CLASP1: variants seen among roughly 807,000 people sequenced by gnomAD.
The protein encoded by CLASP1 is CLIP-associating protein 1.
CLASP1 carries 38 observed loss-of-function variants against 192.3 expected under a neutral mutation model. The ratio of observed to expected loss-of-function variants is 0.20; its 90% CI spans 0.15 to 0.26. The LOEUF is 0.26. Ranked by LOEUF, CLASP1 falls within the 10% of genes least tolerant of loss-of-function variation. CLASP1 has a pLI of 1.00. For missense variants in CLASP1, 1,433 were observed against 1,932.5 expected, an observed-to-expected ratio of 0.74 and a Z score of 4.85; for synonymous variants, 691 against 712.8, an observed-to-expected ratio of 0.97 and a Z score of 0.49.
At chr2:121,462,127 G>A (rs1374682099) in intron 10 of CLASP1, among the ~76,000 whole-genome samples, 1 of 151,554 alleles carries the variant, frequency 6.6e-6, no homozygotes, top group African/African-American at 2.4e-5. Context: ...TACTTAAAGT[G>A]AAGCATCAAA....
exon 34 of CLASP1, chr2:121,377,549 C>T: frequency 6.2e-7 from 1 of 1,602,382 alleles, no homozygotes; most frequent in Non-Finnish European, 8.5e-7. Context: ...TTCAGATCTT[C>T]TTGGCTTCGA....
intron 8 of CLASP1, among the ~76,000 whole-genome samples, chr2:121,485,839 G>A (rs1199850680): frequency 6.6e-6 from 1 of 152,162 alleles, no homozygotes; most frequent in Non-Finnish European, 1.5e-5. Flanking sequence ...CCTGTGCCTG[G>A]CACTGGGCAG....
exon 2 of CLASP1, chr2:121,605,868 C>G: frequency 6.2e-7 from 1 of 1,613,964 alleles, no homozygotes. Context: ...AACACCTGCG[C>G]CAGGCAGGAC....
intron 8 of CLASP1, 86 bp downstream of exon 8, chr2:121,503,081 T>C: frequency 3.7e-6 from 3 of 818,540 alleles, no homozygotes; most frequent in Non-Finnish European, 3.9e-6. Flanking sequence ...CTTACTAAAT[T>C]ACCTAATTCA....
chr2:121,340,312 A>G (rs2062659483), exon 40 of CLASP1: 1 of 152,546 alleles, frequency 6.6e-6, no homozygotes, highest in South Asian at 2.1e-4. Context: ...TTAAAAGGCC[A>G]TCTTCAGACT....
At chr2:121,501,151 C>T (rs1240340372) in intron 8 of CLASP1, among the ~76,000 whole-genome samples, 1 of 152,212 alleles carries the variant, frequency 6.6e-6, no homozygotes, top group African/African-American at 2.4e-5. Context: ...GATTCTGTTT[C>T]ATAGCTGTCA....
intron 19 of CLASP1, among the ~76,000 whole-genome samples, chr2:121,441,565 A>G (rs972071847): frequency 6.6e-6 from 1 of 151,990 alleles, no homozygotes; most frequent in Non-Finnish European, 1.5e-5. Context: ...ATCTCTACAA[A>G]AAAATTGAAA....
intron 1 of CLASP1, among the ~76,000 whole-genome samples, chr2:121,613,370 A>G (rs1188307686): frequency 6.6e-6 from 1 of 152,240 alleles, no homozygotes; most frequent in Non-Finnish European, 1.5e-5. Context: ...TACCCTGGAA[A>G]GTAGAAATTA....
chr2:121,562,219 G>A (rs1385820376), intron 2 of CLASP1, among the ~76,000 whole-genome samples: 8 of 152,170 alleles, frequency 5.3e-5, no homozygotes, highest in Non-Finnish European at 1.0e-4. Flanking sequence ...AAAGCCCAGC[G>A]CCAGCCACAG....
At chr2:121,517,213 AT>A (rs1479868887) in intron 6 of CLASP1, among the ~76,000 whole-genome samples, 1 of 152,240 alleles carries the variant, frequency 6.6e-6, no homozygotes, top group East Asian at 1.9e-4. Flanking sequence ...GAAGAAAAAC[AT>A]TTTTAAAACA....
chr2:121,581,260 CTTTTTTTTTT>C (rs60345742), intron 2 of CLASP1, among the ~76,000 whole-genome samples: 9 of 57,668 alleles, frequency 1.6e-4, no homozygotes, highest in African/African-American at 2.2e-4. Context: ...GCCTTTTGTT[CTTTTTTTTTT>C]TTTTTTTTTT....
At chr2:121,569,271 G>C (rs994536626) in intron 2 of CLASP1, among the ~76,000 whole-genome samples, 1 of 152,188 alleles carries the variant, frequency 6.6e-6, no homozygotes, top group African/African-American at 2.4e-5. Flanking sequence ...GTGAGTTTAA[G>C]CTGAGACCCA....
chr2:121,621,241 G>T (rs1406982041), intron 1 of CLASP1, among the ~76,000 whole-genome samples: 2 of 151,958 alleles, frequency 1.3e-5, no homozygotes, highest in African/African-American at 2.4e-5. Context: ...GAAGAAAAAA[G>T]AAACCATTCT....
intron 7 of CLASP1, among the ~76,000 whole-genome samples, chr2:121,506,490 G>GA (rs60219034): frequency 0.053 from 7,833 of 146,658 alleles, 233 homozygotes; most frequent in East Asian, 0.14. Context: ...CCAAAAATAG[G>GA]AAAAAAAAAA....
At chr2:121,490,171 C>G (rs1275302051) in intron 8 of CLASP1, 5 of 363,282 alleles carry the variant, frequency 1.4e-5, no homozygotes, top group Non-Finnish European at 2.7e-5. Context: ...CATGTTTCAT[C>G]CATGATTTTT....
chr2:121,634,850 C>T (rs1340778852), intron 1 of CLASP1, among the ~76,000 whole-genome samples: 1 of 152,172 alleles, frequency 6.6e-6, no homozygotes, highest in Non-Finnish European at 1.5e-5. Context: ...GAAAAGAATG[C>T]TGCTTCTGTC....
chr2:121,635,652 T>C (rs993774541), intron 1 of CLASP1, among the ~76,000 whole-genome samples: 1 of 151,980 alleles, frequency 6.6e-6, no homozygotes, highest in Non-Finnish European at 1.5e-5. Context: ...AATATGTTAA[T>C]ACAGATTCAG....
Position 121,605,977 on chromosome 2 carries a change from C to T in CLASP1, c.-82G>A, listed in dbSNP as rs879120641. On this transcript the variant is annotated 5_prime_UTR_variant, in exon 2 of 40. Transcript: ENST00000263710. ...CCCAGCAGACGTATCTGGGAGGTTGCCTCTTTGTTCGCTGAAGGTTACTAA... is the reference window on the plus strand; with the variant it reads ...CCCAGCAGACGTATCTGGGAGGTTGTCTCTTTGTTCGCTGAAGGTTACTAA... 18 of 1,288,144 alleles carry T rather than the reference C, an allele frequency of 1.4e-5. 1 individual carries two copies. The South Asian group carries it at 2.4e-4, about 17-fold the overall frequency. 79.8% of individuals were successfully genotyped at this position (1,288,144 alleles called of 1,614,324 possible). A position where few individuals can be genotyped will look rare whatever the true frequency, so the allele number is the denominator to read the frequency against.
intron 19 of CLASP1, among the ~76,000 whole-genome samples, chr2:121,433,735 G>A (rs548425014): frequency 6.6e-6 from 1 of 152,114 alleles, no homozygotes; most frequent in Admixed American, 6.5e-5. Context: ...CAGCCTAGGC[G>A]ACAAAGTGAG....
Sources: allele counts gnomAD v4.1 joint callset (sites outside exome capture counted in the v4.1 genomes callset), GRCh38; gene constraint gnomAD v4.1.1; transcripts MANE v1.5; gene names NCBI Gene and HGNC (gene_info 2026-07-23, HGNC 2026-07-21).